The following CENPP variants were observed in gnomAD, a reference collection of about 807,000 sequenced individuals.
The protein encoded by CENPP is centromere protein P.
Under a neutral mutation model 35.6 loss-of-function variants are expected in CENPP, and 24 were observed. The ratio of observed to expected loss-of-function variants is 0.67; its 90% CI spans 0.49 to 0.95. The LOEUF (loss-of-function observed/expected upper bound fraction) is 0.95. Among genes scored for constraint, CENPP ranks in the 40% least tolerant of loss-of-function variants. The pLI, the probability that CENPP is intolerant of heterozygous loss-of-function variation, is 0.00. For missense variants in CENPP, 332 were observed against 345.3 expected (o/e 0.96, Z 0.31); for synonymous variants, 120 against 125.5 (o/e 0.96, Z 0.29).
At chr9:92,511,748 G>T (rs1175475304) in intron 5 of CENPP, among the ~76,000 whole-genome samples, 2 of 152,164 alleles carry the variant, frequency 1.3e-5, no homozygotes, top group African/African-American at 2.4e-5. Context: ...TACTTGGGAA[G>T]AAACTACTCC....
chr9:92,415,368 GATGT>G, intron 5 of CENPP: 1 of 1,613,474 alleles, frequency 6.2e-7, no homozygotes. Flanking sequence ...AGCAGAAGAA[GATGT>G]ATGAGCTTAT....
At chr9:92,396,379 C>CAA (rs369199427) in intron 5 of CENPP, among the ~76,000 whole-genome samples, 7 of 144,824 alleles carry the variant, frequency 4.8e-5, no homozygotes, top group South Asian at 2.4e-4. Flanking sequence ...GTTAATTAAA[C>CAA]AAAAAAAAAA....
chr9:92,542,243 T>C (rs1849334134), intron 5 of CENPP, among the ~76,000 whole-genome samples: 1 of 152,222 alleles, frequency 6.6e-6, no homozygotes, highest in Non-Finnish European at 1.5e-5. Context: ...TTTTCTTGAT[T>C]GGGTTATTTG....
At chr9:92,393,388 T>G in intron 5 of CENPP, 3 of 604,514 alleles carry the variant, frequency 5.0e-6, no homozygotes, top group Non-Finnish European at 8.3e-6. Context: ...TCATGGTAAC[T>G]CGTTACCTAT....
rs1053842201 is a variant in CENPP at position 92,614,004 on chromosome 9, G to T, written c.*855G>T. The T allele has an allele frequency of 6.6e-6, 1 of 152,296 alleles. No homozygotes were observed. Among genetic ancestry groups the T allele is most frequent in the Non-Finnish European group, 1.5e-5 (1 of 68,110 alleles). The allele number at this position is 152,296 out of a possible 1,614,324, so 9.4% of individuals were successfully genotyped here. A position where few individuals can be genotyped will look rare whatever the true frequency, so the allele number is the denominator to read the frequency against. On this transcript the variant is annotated 3_prime_UTR_variant, in exon 8 of 8. Transcript: ENST00000375587. ...CAGCAGTGGCACCCGCGGCTCAGGGGCTCCTCACAGCCCGGGCTGGTGGGA... is the reference window on the plus strand; with the variant it reads ...CAGCAGTGGCACCCGCGGCTCAGGGTCTCCTCACAGCCCGGGCTGGTGGGA...
intron 4 of CENPP, among the ~76,000 whole-genome samples, chr9:92,376,958 T>A (rs1007482202): frequency 1.3e-5 from 2 of 151,412 alleles, no homozygotes; most frequent in Non-Finnish European, 2.9e-5. Flanking sequence ...GGCGGGAGAA[T>A]CACTTGAACC....
At chr9:92,330,601 G>T (rs1395462027) in intron 1 of CENPP, among the ~76,000 whole-genome samples, 2 of 148,990 alleles carry the variant, frequency 1.3e-5, no homozygotes, top group Non-Finnish European at 3.0e-5. Flanking sequence ...GGAAATAATG[G>T]ATGACAAAAA....
intron 5 of CENPP, among the ~76,000 whole-genome samples, chr9:92,470,490 C>A (rs1845471202): frequency 6.6e-6 from 1 of 152,190 alleles, no homozygotes; most frequent in Non-Finnish European, 1.5e-5. Context: ...TTGAATTAGA[C>A]TATTAATTGA....
At chr9:92,437,553 G>A (rs762802553) in intron 5 of CENPP, among the ~76,000 whole-genome samples, 1 of 148,344 alleles carries the variant, frequency 6.7e-6, no homozygotes, top group Non-Finnish European at 1.5e-5. Flanking sequence ...GAGACCACAG[G>A]CATATGCCAA....
chr9:92,455,912 A>T (rs1844863746), intron 5 of CENPP, among the ~76,000 whole-genome samples: 1 of 152,076 alleles, frequency 6.6e-6, no homozygotes, highest in South Asian at 2.1e-4. Flanking sequence ...TCTACTAAAG[A>T]TACAAAAAAT....
chr9:92,616,722 TA>T lies in CENPP; in HGVS notation c.*3574del, dbSNP rs1851448805. On this transcript the variant is annotated 3_prime_UTR_variant, in exon 8 of 8. Coordinates refer to ENST00000375587, the MANE Select transcript of CENPP (RefSeq NM_001012267.3). ...GTGCTTATAACAAGATGTGATTAATTATTTGCCCTGAAAAACACATTTAGGA... is the reference window on the plus strand; with the variant it reads ...GTGCTTATAACAAGATGTGATTAATTTTTGCCCTGAAAAACACATTTAGGA... 1 of 152,382 alleles carries T rather than the reference TA, an allele frequency of 6.6e-6. No homozygotes were observed. Among genetic ancestry groups the T allele is most frequent in the African/African-American group, 2.4e-5 (1 of 41,426 alleles). The allele number at this position is 152,382 out of a possible 1,614,324, so 9.4% of individuals were successfully genotyped here.
intron 4 of CENPP, among the ~76,000 whole-genome samples, chr9:92,375,299 C>G (rs907619647): frequency 6.8e-6 from 1 of 146,992 alleles, no homozygotes; most frequent in Non-Finnish European, 1.5e-5. Flanking sequence ...TTTACTGATT[C>G]TTTTTTTTTT....
intron 5 of CENPP, among the ~76,000 whole-genome samples, chr9:92,596,404 G>A (rs934634497): frequency 7.5e-6 from 1 of 133,844 alleles, no homozygotes; most frequent in African/African-American, 3.0e-5. Flanking sequence ...CCAAGCCCTG[G>A]AGTTCAAGGC....
At chr9:92,570,219 A>G (rs559115111) in intron 5 of CENPP, among the ~76,000 whole-genome samples, 25 of 152,234 alleles carry the variant, frequency 1.6e-4, no homozygotes, top group Non-Finnish European at 1.5e-4. Flanking sequence ...TGGGTTTGTC[A>G]TAGATAGCTC....
chr9:92,600,454 T>A, intron 5 of CENPP: 1 of 1,612,824 alleles, frequency 6.2e-7, no homozygotes, highest in Non-Finnish European at 8.5e-7. Context: ...AAAAGTTGGG[T>A]CAAGGGAGGA....
intron 5 of CENPP, among the ~76,000 whole-genome samples, chr9:92,586,044 A>T (rs937847688): frequency 2.8e-4 from 42 of 150,742 alleles, no homozygotes; most frequent in East Asian, 1.6e-3. Flanking sequence ...ATCTGTAGAA[A>T]TTTTTTTTTT....
chr9:92,619,417 T>G lies in CENPP; in HGVS notation c.*6268T>G. ...AATATGGGGAAACCAACTATCCTATTAACAATTCACCAACTGTCCATAAAA... is the reference window on the plus strand; with the variant it reads ...AATATGGGGAAACCAACTATCCTATGAACAATTCACCAACTGTCCATAAAA... On this transcript the variant is annotated 3_prime_UTR_variant, in exon 8 of 8. Coordinates refer to ENST00000375587, the MANE Select transcript of CENPP (RefSeq NM_001012267.3). The G allele has an allele frequency of 7.9e-7, 1 of 1,263,076 alleles. No homozygotes were observed. The highest frequency in any genetic ancestry group is 2.0e-5 in the Admixed American group (1 of 50,570). 78.2% of individuals were successfully genotyped at this position (1,263,076 alleles called of 1,614,324 possible).
intron 5 of CENPP, chr9:92,386,247 G>A (rs537756920): frequency 6.2e-7 from 1 of 1,613,670 alleles, no homozygotes; most frequent in Non-Finnish European, 8.5e-7. Flanking sequence ...AAGAGGCACG[G>A]ATTCCAGGGC....
At chr9:92,340,205 CT>C (rs1324259625) in intron 3 of CENPP, 1 of 152,402 alleles carries the variant, frequency 6.6e-6, no homozygotes, top group Non-Finnish European at 1.5e-5. Context: ...CAGAATTAGT[CT>C]TGTCCTTGAG....
Sources: gnomAD v4.1 joint callset for allele counts (sites outside exome capture counted in the v4.1 genomes callset) on GRCh38, gnomAD v4.1.1 for gene constraint, MANE v1.5 for transcripts, NCBI Gene and HGNC (gene_info 2026-07-23, HGNC 2026-07-21) for gene names.